The following E4F1 variants were observed in gnomAD, a reference collection of about 807,000 sequenced individuals.
E4F1 encodes E4F transcription factor 1.
A neutral mutation model predicts 72.9 loss-of-function variants in E4F1; 30 were observed. The observed-to-expected ratio is 0.41, with a 90% confidence interval of 0.31 to 0.56. The LOEUF is 0.56. E4F1 is among the 20% of genes least tolerant of loss of function. E4F1 has a pLI of 0.25. For missense variants in E4F1, 1,091 were observed against 1,117.5 expected, an observed-to-expected ratio of 0.98 and a Z score of 0.34; for synonymous variants, 542 against 478.2, an observed-to-expected ratio of 1.13 and a Z score of -1.74.
chr16:2,235,187 G>A, intron 13 of E4F1, 29 bp from the exon 14 acceptor site: 2 of 1,610,158 alleles, frequency 1.2e-6, no homozygotes, highest in Non-Finnish European at 1.7e-6. Context: ...CCCTGGCACA[G>A]CCGCTCTTGC....
chr16:2,234,937 A>T lies in E4F1; in HGVS notation c.1871A>T (p.Asp624Val). ...GCAGCCACCACCGTCCTCACGGAAG[A>T]CCCGCACACAGTGTTGGTGGAGTTC... ...PAAATTVLTE[D>V]PHTVLVEFSS... The change falls in exon 12 of 14, where the codon GAC becomes GTC. Residue 624 changes from aspartate (D) to valine (V), a missense_variant. Around this residue, in one of 5 missense-constraint regions of E4F1, gnomAD observed 622 missense variants for 628.0 expected, o/e 0.99. Transcript: ENST00000301727. 6.4e-7 allele frequency: 1 copy of T among 1,573,316 alleles called. No individual in the cohort carries two copies. Among genetic ancestry groups the T allele is most frequent in the Non-Finnish European group, 8.6e-7 (1 of 1,159,226 alleles).
At position 2,229,603 on chromosome 16, in the gene E4F1, A is replaced by G; in HGVS notation, c.343A>G (p.Ile115Val). Residue 115 changes from isoleucine (I) to valine (V), a missense_variant, in exon 3 of 14, where the codon ATC (isoleucine) becomes GTC (valine). Physicochemically the swap from Ile to Val is conservative, Grantham distance 29. Transcript: ENST00000301727. ...GGCAGCACCAGGCCCAGAGGAGCCC[A>G]TCACTGTGGCCCACATCGTGGTGGA... Reference protein sequence around the residue: ...VPAAPGPEEPITVAHIVVEAA... With the variant: ...VPAAPGPEEPVTVAHIVVEAA... 1 of 1,612,592 alleles carries G rather than the reference A, an allele frequency of 6.2e-7. No homozygotes were observed. The highest frequency in any genetic ancestry group is 8.5e-7 in the Non-Finnish European group (1 of 1,179,970).
chr16:2,232,963 G>A (rs774104454), intron 6 of E4F1, 48 bp from the exon 7 acceptor site: 13 of 1,610,818 alleles, frequency 8.1e-6, no homozygotes, highest in African/African-American at 2.7e-5. Context: ...GGACGCAGCC[G>A]CCACTGGGGT....
intron 3 of E4F1, chr16:2,229,958 G>A: frequency 2.5e-6 from 1 of 399,624 alleles, no homozygotes; most frequent in Non-Finnish European, 4.8e-6. Flanking sequence ...TCTCTGCCGT[G>A]TCCCTCCCAG....
In E4F1 at chr16:2,228,244, G is replaced by T. The variant is rs778196055; in HGVS notation, c.158-128G>T. 6 of 1,258,468 alleles carry T rather than the reference G, an allele frequency of 4.8e-6. No homozygotes were observed. In the East Asian group the frequency reaches 1.0e-4, roughly 21 times the overall value. The allele number at this position is 1,258,468 out of a possible 1,614,324, so 78.0% of individuals were successfully genotyped here. A position where few individuals can be genotyped will look rare whatever the true frequency, so the allele number is the denominator to read the frequency against. ...GGCCCGAGTGTGTTCTCAGCAGCCT[G>T]GGGAAGTAGCTCTGCTTCTGATGGC... On this transcript the variant is annotated intron_variant, in intron 1 of 13. Transcript: ENST00000301727.
chr16:2,228,594 G>C, intron 2 of E4F1, 71 bp downstream of exon 2: 5 of 1,551,610 alleles, frequency 3.2e-6, no homozygotes, highest in Non-Finnish European at 4.4e-6. Flanking sequence ...CCGCGCTTCA[G>C]GATGGACCTG....
chr16:2,232,129 CAG>C lies in E4F1; in HGVS notation c.416-41_416-40del, dbSNP rs775801740. Reference sequence around the variant, plus strand: ...GCCAGCAGTCTCTGGGGTCTCTGGACAGGGGCAGGTCCTGGGGCTTAGGCCCA... The same window carrying C: ...GCCAGCAGTCTCTGGGGTCTCTGGACGGGCAGGTCCTGGGGCTTAGGCCCA... On this transcript the variant is annotated intron_variant, in intron 3 of 13. Coordinates refer to ENST00000301727, the MANE Select transcript of E4F1 (RefSeq NM_004424.5). 5.6e-6 allele frequency: 9 copies of C among 1,600,720 alleles called. No individual in the cohort carries two copies. The African/African-American group carries it at 8.0e-5, about 14-fold the overall frequency.
At chr16:2,224,201 G>A (rs1214654019) in intron 1 of E4F1, among the ~76,000 whole-genome samples, 1 of 152,188 alleles carries the variant, frequency 6.6e-6, no homozygotes, top group Non-Finnish European at 1.5e-5. Context: ...CTGGGCTCTG[G>A]GCCTGTCCGT....
chr16:2,233,380 G>T, intron 7 of E4F1, 58 bp from the exon 8 acceptor site: 1 of 1,467,084 alleles, frequency 6.8e-7, no homozygotes, highest in Non-Finnish European at 9.0e-7. Flanking sequence ...CTGCCCCATG[G>T]GGTGGGTGCT....
intron 1 of E4F1, among the ~76,000 whole-genome samples, chr16:2,227,381 G>T (rs1374433155): frequency 2.0e-5 from 3 of 151,078 alleles, no homozygotes; most frequent in Admixed American, 1.3e-4. Flanking sequence ...GGCTAATATT[G>T]TTTTTTTTGA....
intron 1 of E4F1, among the ~76,000 whole-genome samples, chr16:2,225,964 G>A (rs997867603): frequency 6.6e-6 from 1 of 152,072 alleles, no homozygotes; most frequent in Non-Finnish European, 1.5e-5. Context: ...GTGGTGGCAG[G>A]CGCCTGTAGT....
chr16:2,235,036 A>C (rs1182941135), intron 12 of E4F1, 35 bp downstream of exon 12: 13 of 1,611,964 alleles, frequency 8.1e-6, no homozygotes, highest in Non-Finnish European at 1.1e-5. Flanking sequence ...GCTGGGACCC[A>C]GGGGCAGCCA....
rs1366731964 is a variant in E4F1, at chr16:2,233,122, T to C, written c.995T>C (p.Ile332Thr). The change falls in exon 7 of 14, where the codon ATC becomes ACC. Residue 332 changes from isoleucine to threonine, a missense_variant. Transcript: ENST00000301727. The part of the protein sequence containing the change: ...HLVTDAKGTV[I>T]HEVHVQMQEL... The stretch of plus-strand genomic sequence containing the variant: ...GTGACAGATGCCAAGGGCACCGTCA[T>C]CCACGAAGTCCACGTCCAGATGCAG... 5 of 1,612,246 alleles carry C rather than the reference T, an allele frequency of 3.1e-6. No homozygotes were observed. Among genetic ancestry groups the C allele is most frequent in the Non-Finnish European group, 4.2e-6 (5 of 1,179,380 alleles).
chr16:2,233,307 A>G (rs2093480117), intron 7 of E4F1, 124 bp downstream of exon 7: 2 of 1,450,384 alleles, frequency 1.4e-6, no homozygotes, highest in South Asian at 1.4e-5. Flanking sequence ...TCCCACAGGG[A>G]GAGCAGGGCC....
intron 3 of E4F1, chr16:2,231,845 C>G: frequency 3.1e-6 from 1 of 325,554 alleles, no homozygotes; most frequent in Non-Finnish European, 5.7e-6. Flanking sequence ...CACCCAAGGA[C>G]CTTGTCACCA....
intron 8 of E4F1, 81 bp from the exon 9 acceptor site, chr16:2,233,801 G>A: frequency 7.0e-7 from 1 of 1,437,052 alleles, no homozygotes; most frequent in Non-Finnish European, 9.4e-7. Context: ...AGCCTGCCAG[G>A]GTGGGGCCCA....
chr16:2,234,881 G>A lies in E4F1; in HGVS notation c.1815G>A (p.Glu605=). The A allele has an allele frequency of 1.3e-6, 2 of 1,550,590 alleles. No individual in the cohort carries two copies. Among genetic ancestry groups the A allele is most frequent in the Non-Finnish European group, 1.7e-6 (2 of 1,147,174 alleles). The part of the protein sequence containing the change: ...RTKGGCLLEV[E]ELLVSEDSPA... ...CAGGGGGCTGCCTGCTGGAGGTGGA[G>A]GAGTTGCTGGTGTCTGAGGACAGCC... The change falls in exon 12 of 14, where the codon GAG becomes GAA. Residue 605 remains glutamate, a synonymous_variant. Coordinates refer to ENST00000301727, the MANE Select transcript of E4F1 (RefSeq NM_004424.5).
chr16:2,229,212 C>G (rs1358193424), intron 2 of E4F1, among the ~76,000 whole-genome samples: 2 of 152,234 alleles, frequency 1.3e-5, no homozygotes, highest in Non-Finnish European at 2.9e-5. Context: ...TCACACCGCT[C>G]TGCCGGATGT....
chr16:2,235,050 C>T, intron 12 of E4F1, 31 bp from the exon 13 acceptor site: 3 of 1,612,090 alleles, frequency 1.9e-6, no homozygotes, highest in Non-Finnish European at 2.5e-6. Context: ...GCAGCCAAGG[C>T]TGACCTCTGT....
Sources: allele counts gnomAD v4.1 joint callset (sites outside exome capture counted in the v4.1 genomes callset), GRCh38; gene constraint gnomAD v4.1.1; regional missense constraint gnomAD v4.1.1; transcripts MANE v1.5; gene names NCBI Gene and HGNC (gene_info 2026-07-23, HGNC 2026-07-21).